The following PRKCE variants were observed in gnomAD, a reference collection of about 807,000 sequenced individuals.
PRKCE encodes the protein protein kinase C epsilon type.
PRKCE carries 16 observed loss-of-function variants against 85.4 expected under a neutral mutation model. That is an observed-to-expected ratio of 0.19 (90% CI 0.13 to 0.28). The LOEUF (loss-of-function observed/expected upper bound fraction) is 0.28. Ranked by LOEUF, PRKCE falls within the 10% of genes least tolerant of loss-of-function variation. The probability of loss-of-function intolerance (pLI) is 1.00; values close to 1 mark genes in which losing one functional copy is unlikely to be tolerated. For synonymous variants in PRKCE, 388 were observed against 371.5 expected (o/e 1.04, Z -0.51); for missense variants, 573 against 975.2 (o/e 0.59, Z 5.49).
chr2:46,130,368 A>G (rs1181957685), intron 11 of PRKCE, among the ~76,000 whole-genome samples: 1 of 151,996 alleles, frequency 6.6e-6, no homozygotes, highest in Non-Finnish European at 1.5e-5. Context: ...ACTTTGTTAT[A>G]CATTATATAT....
Position 45,729,609 on chromosome 2 carries a change from A to T in PRKCE, c.348+77161A>T, listed in dbSNP as rs574895137. 7.9e-5 allele frequency among the ~76,000 whole-genome samples: 12 copies of T among 152,248 alleles called. No individual in the cohort carries two copies. The South Asian group carries it at 2.3e-3, about 29-fold the overall frequency. ...TTCTGAAAATTTTTACACCGTTTTG[A>T]AGGGATGTGCATACTCAGGAATACA... On this transcript the variant is annotated intron_variant, in intron 1 of 14. Coordinates refer to ENST00000306156, the MANE Select transcript of PRKCE (RefSeq NM_005400.3).
At chr2:45,719,928 AAAC>A (rs1358869882) in intron 1 of PRKCE, among the ~76,000 whole-genome samples, 1 of 152,122 alleles carries the variant, frequency 6.6e-6, no homozygotes, top group Non-Finnish European at 1.5e-5. Flanking sequence ...TGTCTCCTAA[AAAC>A]AACAACAACG....
intron 10 of PRKCE, among the ~76,000 whole-genome samples, chr2:46,074,429 C>CA (rs11287357): frequency 0.54 from 50,857 of 93,504 alleles, 13,491 homozygotes; most frequent in Non-Finnish European, 0.62. Context: ...CAACAACAAC[C>CA]AAAAAAAAAA....
intron 1 of PRKCE, among the ~76,000 whole-genome samples, chr2:45,821,669 C>T (rs952282552): frequency 2.6e-5 from 4 of 152,054 alleles, no homozygotes; most frequent in Admixed American, 6.6e-5. Flanking sequence ...CAGGGGAGCC[C>T]GGCCTGAGCA....
At chr2:46,028,041 A>G (rs935705901) in intron 10 of PRKCE, among the ~76,000 whole-genome samples, 2 of 151,444 alleles carry the variant, frequency 1.3e-5, no homozygotes, top group African/African-American at 4.9e-5. Flanking sequence ...TCCCGGGTTC[A>G]CGTGATTCTC....
rs2104454286 is a variant in PRKCE, at chr2:46,139,499, C to T, written c.1593-5594C>T. ...AACACATAAACCCAAAACAACTGTG[C>T]TCTAAATAAGATACAAGTTTCTTTC... On this transcript the variant is annotated intron_variant, in intron 11 of 14. Coordinates refer to ENST00000306156, the MANE Select transcript of PRKCE (RefSeq NM_005400.3). The surrounding 1 kb of genome is among the most constrained non-coding windows in gnomAD (Gnocchi z 5.2). 6.6e-6 allele frequency among the ~76,000 whole-genome samples: 1 copy of T among 152,162 alleles called. No homozygotes were observed. The highest frequency in any genetic ancestry group is 2.1e-4 in the South Asian group (1 of 4,822).
intron 6 of PRKCE, among the ~76,000 whole-genome samples, chr2:45,990,862 A>T (rs541327414): frequency 2.6e-5 from 4 of 151,928 alleles, no homozygotes; most frequent in African/African-American, 7.3e-5. Flanking sequence ...GGGTTTCACC[A>T]TGTTGGCCAG....
rs149459048 is a variant in PRKCE, at chr2:46,135,261, C to T, written c.1593-9832C>T. 1.7e-3 allele frequency among the ~76,000 whole-genome samples: 256 copies of T among 152,344 alleles called. 2 individuals are homozygous for T. Among genetic ancestry groups the T allele is most frequent in the African/African-American group, 6.0e-3 (249 of 41,584 alleles). On this transcript the variant is annotated intron_variant, in intron 11 of 14. Transcript: ENST00000306156. Reference sequence around the variant, plus strand: ...CATGAGTTAGAAACAACCACCACCCCAACAACTACAACTGTGTTCTCTATC... The same window carrying T: ...CATGAGTTAGAAACAACCACCACCCTAACAACTACAACTGTGTTCTCTATC...
chr2:45,932,049 G>C (rs1279567781), intron 2 of PRKCE, among the ~76,000 whole-genome samples: 1 of 152,144 alleles, frequency 6.6e-6, no homozygotes, highest in Non-Finnish European at 1.5e-5. Flanking sequence ...TGGGTGACCA[G>C]CATCCAGATG....
At chr2:46,097,519 C>CAAAAAAAAAAAAAAAA (rs66634467) in intron 11 of PRKCE, among the ~76,000 whole-genome samples, 4 of 94,112 alleles carry the variant, frequency 4.3e-5, no homozygotes, top group South Asian at 4.1e-4. Context: ...GACTCCGTCT[C>CAAAAAAAAAAAAAAAA]AAAAAAAAAA....
chr2:45,833,159 G>T (rs970590226), intron 1 of PRKCE, among the ~76,000 whole-genome samples: 8 of 149,450 alleles, frequency 5.4e-5, no homozygotes, highest in African/African-American at 2.0e-4. Flanking sequence ...AAAAAGAAAA[G>T]AAAAGAAAGA....
chr2:45,970,387 T>C lies in PRKCE; in HGVS notation c.413-6042T>C, dbSNP rs565913960. Among the ~76,000 whole-genome samples the C allele has an allele frequency of 3.3e-5, 5 of 152,314 alleles. No individual in the cohort carries two copies. The South Asian group carries it at 8.3e-4, about 25-fold the overall frequency. ...ATCTATGGGGATCTTGATATATATA[T>C]TTCAATTTGTTGATACATAGCCCTT... is the stretch of plus-strand genomic sequence containing the variant. On this transcript the variant is annotated intron_variant, in intron 2 of 14. Coordinates refer to ENST00000306156, the MANE Select transcript of PRKCE (RefSeq NM_005400.3).
intron 14 of PRKCE, among the ~76,000 whole-genome samples, chr2:46,171,886 C>T (rs1054311271): frequency 2.6e-5 from 4 of 152,208 alleles, no homozygotes; most frequent in African/African-American, 7.2e-5. Context: ...CATCATTTAG[C>T]TCCAGTTATG....
chr2:45,856,721 C>T (rs1166165882), intron 2 of PRKCE, among the ~76,000 whole-genome samples: 7 of 152,296 alleles, frequency 4.6e-5, no homozygotes, highest in African/African-American at 1.7e-4. Context: ...CTATTTTCCC[C>T]AGCCTCTGGT....
intron 1 of PRKCE, among the ~76,000 whole-genome samples, chr2:45,703,589 C>T (rs1012103453): frequency 2.2e-4 from 33 of 151,952 alleles, no homozygotes; most frequent in African/African-American, 6.5e-4. Context: ...AGCTCATTGA[C>T]GGTAGAGGCA....
At chr2:45,660,771 C>G (rs1364193020) in intron 1 of PRKCE, among the ~76,000 whole-genome samples, 1 of 152,180 alleles carries the variant, frequency 6.6e-6, no homozygotes, top group South Asian at 2.1e-4. Context: ...TAATTACAAT[C>G]TATTATAATG....
intron 10 of PRKCE, among the ~76,000 whole-genome samples, chr2:46,042,574 A>AC (rs1361205405): frequency 6.6e-6 from 1 of 152,206 alleles, no homozygotes; most frequent in African/African-American, 2.4e-5. Flanking sequence ...CATGGCCGAG[A>AC]CCTGCTTTTA....
chr2:46,095,420 G>A (rs13427146), intron 11 of PRKCE, among the ~76,000 whole-genome samples: 56,138 of 152,066 alleles, frequency 0.37, 12,651 homozygotes, highest in Non-Finnish European at 0.5. Flanking sequence ...TTAGTCTAGA[G>A]ATCCTGTTTC....
At chr2:45,984,002 A>T (rs1310260200) in intron 5 of PRKCE, among the ~76,000 whole-genome samples, 1 of 144,020 alleles carries the variant, frequency 6.9e-6, no homozygotes, top group Non-Finnish European at 1.5e-5. Flanking sequence ...CAGTGGGATG[A>T]TCTTGGCTCA....
Sources: gnomAD v4.1 joint callset for allele counts (sites outside exome capture counted in the v4.1 genomes callset) on GRCh38, gnomAD v4.1.1 for gene constraint, Gnocchi (gnomAD v3.1) non-coding constraint, MANE v1.5 for transcripts, NCBI Gene and HGNC (gene_info 2026-07-23, HGNC 2026-07-21) for gene names.